Variants in WDR76 observed in about 807,000 individuals in gnomAD.
WDR76 encodes the protein WD repeat domain 76.
Under a neutral mutation model 70.2 loss-of-function variants are expected in WDR76, and 52 were observed. The observed-to-expected ratio is 0.74, with a 90% confidence interval of 0.59 to 0.93. The LOEUF (loss-of-function observed/expected upper bound fraction) is 0.93. Ranked by LOEUF, WDR76 falls within the 40% of genes least tolerant of loss-of-function variation. WDR76 has a pLI of 0.00. For synonymous variants in WDR76, 292 were observed against 271.1 expected (o/e 1.08, Z -0.76); for missense variants, 756 against 760.2 (o/e 0.99, Z 0.07).
At chr15:43,862,115 C>T (rs939886059) in intron 12 of WDR76, among the ~76,000 whole-genome samples, 9 of 151,752 alleles carry the variant, frequency 5.9e-5, no homozygotes, top group African/African-American at 1.5e-4. Flanking sequence ...GGATTACAGG[C>T]GTAAGCCACG....
At chr15:43,841,659 C>T (rs1483813919) in intron 5 of WDR76, among the ~76,000 whole-genome samples, 1 of 152,018 alleles carries the variant, frequency 6.6e-6, no homozygotes. Context: ...ATTCTATTCT[C>T]ATTCACTACA....
At chr15:43,832,998 G>T (rs1020020480) in intron 2 of WDR76, among the ~76,000 whole-genome samples, 4 of 151,806 alleles carry the variant, frequency 2.6e-5, no homozygotes, top group East Asian at 1.9e-4. Flanking sequence ...CTAGTGATCT[G>T]CCTGGTGGCC....
rs958370104 is a variant in WDR76, at chr15:43,866,621, AC to A, written c.*230del. 2.0e-4 allele frequency: 55 copies of A among 275,172 alleles called. No individual in the cohort carries two copies. Among genetic ancestry groups the A allele is most frequent in the South Asian group, 4.9e-4 (8 of 16,180 alleles). 17.0% of individuals were successfully genotyped at this position (275,172 alleles called of 1,614,324 possible). A position where few individuals can be genotyped will look rare whatever the true frequency, so the allele number is the denominator to read the frequency against. ...GAGGGGAGGCTGAGGTGCCGTCAGG[AC>A]TTTTTTTTTTTTTTTTTTTTTGAGA... is the stretch of plus-strand genomic sequence containing the variant. On this transcript the variant is annotated 3_prime_UTR_variant, in exon 13 of 13. Transcript: ENST00000263795.
At chr15:43,855,146 G>C (rs1056068245) in intron 9 of WDR76, among the ~76,000 whole-genome samples, 2 of 152,136 alleles carry the variant, frequency 1.3e-5, no homozygotes, top group African/African-American at 4.8e-5. Context: ...TTTACCTAGA[G>C]TAACAGTTTT....
intron 8 of WDR76, 30 bp downstream of exon 8, chr15:43,844,084 T>C (rs1006481002): frequency 8.1e-6 from 13 of 1,601,234 alleles, no homozygotes; most frequent in Middle Eastern, 1.7e-4. Flanking sequence ...GAATATATTA[T>C]AGTTTGACTA....
intron 2 of WDR76, among the ~76,000 whole-genome samples, chr15:43,833,142 A>G (rs1170126294): frequency 6.6e-6 from 1 of 151,852 alleles, no homozygotes; most frequent in Non-Finnish European, 1.5e-5. Context: ...TAGTTTTGAG[A>G]AACTTTAAAA....
intron 8 of WDR76, among the ~76,000 whole-genome samples, chr15:43,850,748 G>A (rs892839157): frequency 6.6e-6 from 1 of 152,148 alleles, no homozygotes; most frequent in Non-Finnish European, 1.5e-5. Flanking sequence ...TACTGATACT[G>A]TTTTAGTTAG....
At chr15:43,827,207 T>TC in intron 1 of WDR76, 115 bp downstream of exon 1, 8 of 1,335,962 alleles carry the variant, frequency 6.0e-6, no homozygotes, top group Non-Finnish European at 8.5e-6. Context: ...AGGCGGGGGA[T>TC]CCCTGCCCTT....
intron 12 of WDR76, among the ~76,000 whole-genome samples, chr15:43,865,602 C>G (rs2088060700): frequency 6.6e-6 from 1 of 151,948 alleles, no homozygotes; most frequent in Non-Finnish European, 1.5e-5. Flanking sequence ...CTGGGTTTCG[C>G]CGTGTTGGAC....
chr15:43,842,583 T>G, intron 6 of WDR76, 45 bp from the exon 7 acceptor site: 1 of 1,593,980 alleles, frequency 6.3e-7, no homozygotes, highest in Non-Finnish European at 8.6e-7. Flanking sequence ...TATGTAAAAA[T>G]ATATACATAC....
intron 11 of WDR76, among the ~76,000 whole-genome samples, 190 bp from the exon 12 acceptor site, chr15:43,861,143 T>G (rs1009254978): frequency 1.1e-4 from 17 of 152,078 alleles, no homozygotes; most frequent in Admixed American, 1.3e-4. Flanking sequence ...GGTCTCAAAC[T>G]CTTGGCCTCA....
intron 5 of WDR76, among the ~76,000 whole-genome samples, chr15:43,841,306 C>T (rs1002548748): frequency 4.6e-5 from 7 of 151,258 alleles, no homozygotes; most frequent in Admixed American, 2.0e-4. Flanking sequence ...AGGTTCATGC[C>T]ATTCTCCTGG....
Position 43,857,118 on chromosome 15 carries a change from A to T in WDR76, c.1364A>T (p.His455Leu). 7 of 1,614,108 alleles carry T rather than the reference A, an allele frequency of 4.3e-6. No homozygotes were observed. The highest frequency in any genetic ancestry group is 5.9e-6 in the Non-Finnish European group (7 of 1,179,996). Residue 455 changes from histidine to leucine, a missense_variant, in exon 10 of 13, where the codon CAT becomes CTT. Transcript: ENST00000263795. ...TCTATGGGAAAAATAAGAACTGTTC[A>T]TGTCCACCCAGTGCATAGACAGTAT... ...SSSMGKIRTV[H>L]VHPVHRQYFI... is the part of the protein sequence containing the mutation.
rs954615308 is a variant in WDR76, at chr15:43,865,982, T to A, written c.1617-146T>A. 10 of 904,860 alleles carry A rather than the reference T, an allele frequency of 1.1e-5. No homozygotes were observed. The African/African-American group carries it at 1.5e-4, about 14-fold the overall frequency. The allele number at this position is 904,860 out of a possible 1,614,324, so 56.1% of individuals were successfully genotyped here. A position where few individuals can be genotyped will look rare whatever the true frequency, so the allele number is the denominator to read the frequency against. ...GAGGTTCAGTCCTGTAAGGATGAGG[T>A]AAGGTTGGTGGTAACTCAGTAACTT... is the stretch of plus-strand genomic sequence containing the variant. On this transcript the variant is annotated intron_variant, in intron 12 of 12. Coordinates refer to ENST00000263795, the MANE Select transcript of WDR76 (RefSeq NM_024908.4).
chr15:43,827,364 T>C (rs1163241267), intron 1 of WDR76, among the ~76,000 whole-genome samples: 1 of 152,126 alleles, frequency 6.6e-6, no homozygotes, highest in Non-Finnish European at 1.5e-5. Context: ...TTCCAGACAA[T>C]CCGCAGCTGA....
At chr15:43,861,290 T>G in intron 11 of WDR76, 43 bp from the exon 12 acceptor site, 1 of 1,528,658 alleles carries the variant, frequency 6.5e-7, no homozygotes, top group Non-Finnish European at 9.1e-7. Context: ...TTTCAGAAAG[T>G]TTTTAAGTAA....
chr15:43,863,759 C>G (rs552468117), intron 12 of WDR76: 1 of 152,190 alleles, frequency 6.6e-6, no homozygotes, highest in Non-Finnish European at 1.5e-5. Context: ...TGAGGACTTG[C>G]TGTTGCCCAG....
intron 7 of WDR76, among the ~76,000 whole-genome samples, chr15:43,842,953 A>T (rs1003920258): frequency 6.6e-6 from 1 of 151,756 alleles, no homozygotes; most frequent in Non-Finnish European, 1.5e-5. Context: ...GTGAATCCAC[A>T]TACATTTTTA....
intron 8 of WDR76, among the ~76,000 whole-genome samples, chr15:43,849,396 T>A (rs1020858469): frequency 1.3e-5 from 2 of 152,244 alleles, no homozygotes; most frequent in African/African-American, 4.8e-5. Context: ...CAGATTTATG[T>A]GTACCTATAC....
Sources: allele counts gnomAD v4.1 joint callset (sites outside exome capture counted in the v4.1 genomes callset), GRCh38; gene constraint gnomAD v4.1.1; transcripts MANE v1.5; gene names NCBI Gene and HGNC (gene_info 2026-07-23, HGNC 2026-07-21).